The following TRDN variants were observed in gnomAD, a reference collection of about 807,000 sequenced individuals.
TRDN encodes triadin in skeletal muscle.
Under a neutral mutation model 149.7 loss-of-function variants are expected in TRDN, and 161 were observed. The ratio of observed to expected loss-of-function variants is 1.08; its 90% CI spans 0.95 to 1.23. The LOEUF (loss-of-function observed/expected upper bound fraction) is 1.23. Among genes scored for constraint, TRDN ranks in the 50% most tolerant of loss-of-function variants. TRDN has a pLI of 0.00. For synonymous variants in TRDN, 294 were observed against 250.5 expected (o/e 1.17, Z -1.64); for missense variants, 896 against 823.5 (o/e 1.09, Z -1.08).
chr6:123,528,369 C>G (rs1780053807), intron 5 of TRDN, among the ~76,000 whole-genome samples: 1 of 151,446 alleles, frequency 6.6e-6, no homozygotes, highest in Non-Finnish European at 1.5e-5. Context: ...TTCAGAATAT[C>G]ATATTGTCCC....
chr6:123,483,150 T>G (rs1583122642), intron 9 of TRDN, among the ~76,000 whole-genome samples: 1 of 150,490 alleles, frequency 6.6e-6, no homozygotes, highest in South Asian at 2.1e-4. Flanking sequence ...TCGCCCAGAC[T>G]GGAGTGAAGT....
At chr6:123,253,266 A>C (rs1776440341) in intron 37 of TRDN, among the ~76,000 whole-genome samples, 1 of 152,054 alleles carries the variant, frequency 6.6e-6, no homozygotes, top group African/African-American at 2.4e-5. Flanking sequence ...TTCTTGAAAA[A>C]GACTAGTAAC....
intron 10 of TRDN, among the ~76,000 whole-genome samples, chr6:123,442,646 A>T (rs971864686): frequency 2.0e-5 from 3 of 152,170 alleles, no homozygotes; most frequent in Non-Finnish European, 4.4e-5. Flanking sequence ...AGATGTAGAA[A>T]AATAATGATA....
At chr6:123,264,673 G>A (rs1776878723) in intron 33 of TRDN, among the ~76,000 whole-genome samples, 1 of 39,482 alleles carries the variant, frequency 2.5e-5, no homozygotes, top group Non-Finnish European at 4.6e-5. Context: ...GAAATCTTTT[G>A]TCAGTCAATC....
At chr6:123,387,451 T>A (rs1054895424) in intron 14 of TRDN, among the ~76,000 whole-genome samples, 1 of 152,138 alleles carries the variant, frequency 6.6e-6, no homozygotes, top group East Asian at 1.9e-4. Context: ...GTGACTATTA[T>A]TAATGTCTGG....
chr6:123,455,487 G>A (rs1225335578), intron 10 of TRDN, among the ~76,000 whole-genome samples: 2 of 151,654 alleles, frequency 1.3e-5, no homozygotes, highest in African/African-American at 4.8e-5. Context: ...GAGCGAGACG[G>A]GAGAAGGAAA....
intron 1 of TRDN, among the ~76,000 whole-genome samples, chr6:123,636,009 A>G (rs1786294324): frequency 6.6e-6 from 1 of 151,986 alleles, no homozygotes; most frequent in African/African-American, 2.4e-5. Flanking sequence ...AACAGAAAAT[A>G]TTTATTGTAA....
intron 12 of TRDN, among the ~76,000 whole-genome samples, chr6:123,407,726 C>CA (rs1366060730): frequency 6.6e-6 from 1 of 151,758 alleles, no homozygotes; most frequent in Non-Finnish European, 1.5e-5. Context: ...TTTGAAGGAT[C>CA]AAACAGCAAG....
chr6:123,488,304 T>A (rs1452410778), intron 9 of TRDN, among the ~76,000 whole-genome samples: 1 of 152,146 alleles, frequency 6.6e-6, no homozygotes, highest in Non-Finnish European at 1.5e-5. Flanking sequence ...CCTTGGTATT[T>A]GGCAGATGCT....
intron 7 of TRDN, among the ~76,000 whole-genome samples, chr6:123,508,769 A>G (rs924858231): frequency 1.1e-4 from 17 of 152,158 alleles, no homozygotes; most frequent in Admixed American, 1.1e-3. Context: ...AGCAAGAAAC[A>G]TGCTGTGTTC....
intron 12 of TRDN, among the ~76,000 whole-genome samples, chr6:123,416,055 CTT>C (rs905984265): frequency 6.6e-6 from 1 of 152,134 alleles, no homozygotes; most frequent in Non-Finnish European, 1.5e-5. Context: ...TGGCACTAGT[CTT>C]ATCCTTTTCT....
At chr6:123,293,863 A>G (rs1778096886) in intron 24 of TRDN, among the ~76,000 whole-genome samples, 1 of 152,112 alleles carries the variant, frequency 6.6e-6, no homozygotes. Flanking sequence ...CCCAGGGGTC[A>G]CTGTCCATTA....
chr6:123,589,873 C>A (rs1783697314), intron 1 of TRDN, among the ~76,000 whole-genome samples: 1 of 152,134 alleles, frequency 6.6e-6, no homozygotes, highest in South Asian at 2.1e-4. Context: ...AGTGCAAGAA[C>A]TAAGACCCAA....
intron 23 of TRDN, among the ~76,000 whole-genome samples, chr6:123,327,551 T>C (rs2114719667): frequency 6.6e-6 from 1 of 152,250 alleles, no homozygotes; most frequent in East Asian, 1.9e-4. Flanking sequence ...ATGTCATCAA[T>C]ATTTAGATAC....
chr6:123,547,422 A>T (rs1458231759), intron 3 of TRDN, 50 bp from the exon 4 acceptor site: 1 of 1,094,512 alleles, frequency 9.1e-7, no homozygotes, highest in Non-Finnish European at 1.3e-6. Flanking sequence ...TTTAGCATAG[A>T]ATAATATGAC....
At chr6:123,545,643 T>A (rs1781075623) in intron 4 of TRDN, among the ~76,000 whole-genome samples, 1 of 151,940 alleles carries the variant, frequency 6.6e-6, no homozygotes, top group Non-Finnish European at 1.5e-5. Flanking sequence ...GAGTATGTAA[T>A]CTTTAAGGAC....
chr6:123,474,880 G>A (rs1339461007), intron 9 of TRDN, among the ~76,000 whole-genome samples: 2 of 151,892 alleles, frequency 1.3e-5, no homozygotes, highest in African/African-American at 2.4e-5. Context: ...AAACCAACGA[G>A]AACAAAGACA....
chr6:123,542,551 T>A (rs894426888), intron 4 of TRDN, among the ~76,000 whole-genome samples: 10 of 152,180 alleles, frequency 6.6e-5, no homozygotes, highest in African/African-American at 2.4e-4. Flanking sequence ...ATATAAATGC[T>A]GTAATTATTA....
intron 2 of TRDN, among the ~76,000 whole-genome samples, chr6:123,568,244 G>A (rs188205089): frequency 1.3e-3 from 195 of 152,330 alleles, no homozygotes; most frequent in African/African-American, 3.7e-3. Context: ...CAGCTCTACC[G>A]TTGTGGTTTT....
Sources: allele counts gnomAD v4.1 joint callset (sites outside exome capture counted in the v4.1 genomes callset), GRCh38; gene constraint gnomAD v4.1.1; transcripts MANE v1.5; gene names NCBI Gene and HGNC (gene_info 2026-07-23, HGNC 2026-07-21).